The following FOXA3 variants were observed in gnomAD, a reference collection of about 807,000 sequenced individuals.
The protein encoded by FOXA3 is hepatocyte nuclear factor 3-gamma.
A neutral mutation model predicts 16.9 loss-of-function variants in FOXA3; 11 were observed. That is an observed-to-expected ratio of 0.65 (90% CI 0.41 to 1.08). The LOEUF is 1.08. Among genes scored for constraint, FOXA3 ranks in the 50% least tolerant of loss-of-function variants. The pLI is 0.00. For synonymous variants in FOXA3, 217 were observed against 203.3 expected (o/e 1.07, Z -0.57); for missense variants, 423 against 470.1 (o/e 0.90, Z 0.93).
In FOXA3 at chr19:45,870,329, C is replaced by T. The variant is rs369342531; in HGVS notation, c.70-1746C>T. Among the ~76,000 whole-genome samples, 32 of 151,748 alleles carry T rather than the reference C, an allele frequency of 2.1e-4. No homozygotes were observed. In the East Asian group the frequency reaches 5.7e-3, roughly 27 times the overall value. Reference sequence around the variant, plus strand: ...GGACTACAGGCGTTCGCCACCACACCCGGCTAATTTTGTTTTTGTATTTTT... The same window carrying T: ...GGACTACAGGCGTTCGCCACCACACTCGGCTAATTTTGTTTTTGTATTTTT... On this transcript the variant is annotated intron_variant, in intron 1 of 1. Coordinates refer to ENST00000302177, the MANE Select transcript of FOXA3 (RefSeq NM_004497.3).
Position 45,872,163 on chromosome 19 carries a change from G to C in FOXA3, c.158G>C (p.Gly53Ala). The C allele has an allele frequency of 6.3e-7, 1 of 1,589,388 alleles. No homozygotes were observed. Among genetic ancestry groups the C allele is most frequent in the South Asian group, 1.1e-5 (1 of 87,592 alleles). ...LNPLSSPYPP[G>A]GLPASPLPSG... is the part of the protein sequence containing the mutation. ...CCTCTAAGCTCTCCCTATCCCCCTG[G>C]GGGGCTCCCTGCCTCCCCACTGCCC... The change falls in exon 2 of 2, where the codon GGG (glycine) becomes GCG (alanine). Residue 53 changes from glycine to alanine, a missense_variant. By Grantham distance (60) the Gly-to-Ala change is moderately conservative. Transcript: ENST00000302177. This position sits in a 1 kb window ranked among gnomAD's most constrained non-coding sequence, Gnocchi z 4.5.
chr19:45,867,140 G>C (rs917459722), intron 1 of FOXA3, among the ~76,000 whole-genome samples: 7 of 152,090 alleles, frequency 4.6e-5, no homozygotes, highest in African/African-American at 1.7e-4. Context: ...TGGGGAGCCA[G>C]AAAGGAGGGC....
rs576861258 is a variant in FOXA3 at position 45,864,804 on chromosome 19, G to T, written c.69+279G>T. ...GTCACACCTTAAACTTGGGAGCCGGGTGTTGGAGCCCCAAAAAGCAAGGGA... is the reference window on the plus strand; with the variant it reads ...GTCACACCTTAAACTTGGGAGCCGGTTGTTGGAGCCCCAAAAAGCAAGGGA... On this transcript the variant is annotated intron_variant, in intron 1 of 1. Transcript: ENST00000302177. 5.5e-4 allele frequency among the ~76,000 whole-genome samples: 84 copies of T among 152,286 alleles called. 1 individual carries two copies. Among genetic ancestry groups the T allele is most frequent in the Non-Finnish European group, 5.9e-4 (40 of 68,024 alleles).
In FOXA3 at chr19:45,872,036, G is replaced by C; in HGVS notation, c.70-39G>C. On this transcript the variant is annotated intron_variant, in intron 1 of 1. Transcript: ENST00000302177. This position sits in a 1 kb window ranked among gnomAD's most constrained non-coding sequence, Gnocchi z 4.5. ...CTGGGATCCTTTGCTGACCAGCAGA[G>C]TGGAGCCCCACTGACCCCTCCTTTC... is the stretch of plus-strand genomic sequence containing the variant. 6.2e-7 allele frequency: 1 copy of C among 1,600,956 alleles called. No homozygotes were observed. Among genetic ancestry groups the C allele is most frequent in the Non-Finnish European group, 8.5e-7 (1 of 1,172,098 alleles).
intron 1 of FOXA3, among the ~76,000 whole-genome samples, chr19:45,865,612 G>A (rs1972077520): frequency 6.6e-6 from 1 of 152,108 alleles, no homozygotes; most frequent in African/African-American, 2.4e-5. Context: ...GAATGGCTAG[G>A]TTCTCCAAGG....
In FOXA3 at chr19:45,872,207, C is replaced by G. The variant is rs923062202; in HGVS notation, c.202C>G (p.Pro68Ala). ...ACTGCCCTCAGGACCCCTGGCACCC[C>G]CAGCACCTGCAGCCCCCCTGGGGCC... ...SPLPSGPLAP[P>A]APAAPLGPTF... Residue 68 changes from proline to alanine, a missense_variant, in exon 2 of 2, where the codon CCA becomes GCA. Transcript: ENST00000302177. This position sits in a 1 kb window ranked among gnomAD's most constrained non-coding sequence, Gnocchi z 4.5. The G allele has an allele frequency of 5.6e-6, 9 of 1,599,896 alleles. No individual in the cohort carries two copies. The highest frequency in any genetic ancestry group is 6.0e-6 in the Non-Finnish European group (7 of 1,171,536).
chr19:45,867,685 C>G (rs1486929337), intron 1 of FOXA3, among the ~76,000 whole-genome samples: 1 of 146,092 alleles, frequency 6.8e-6, no homozygotes, highest in Non-Finnish European at 1.5e-5. Flanking sequence ...GAGGCTGAGA[C>G]AGGAGAATTG....
At chr19:45,869,184 C>T (rs560496189) in intron 1 of FOXA3, among the ~76,000 whole-genome samples, 1 of 152,158 alleles carries the variant, frequency 6.6e-6, no homozygotes, top group African/African-American at 2.4e-5. Flanking sequence ...CCCCACCCCC[C>T]CCACCTCAGC....
At chr19:45,865,206 C>T (rs1268192676) in intron 1 of FOXA3, among the ~76,000 whole-genome samples, 3 of 152,030 alleles carry the variant, frequency 2.0e-5, no homozygotes, top group Non-Finnish European at 4.4e-5. Flanking sequence ...ATCTCCACCC[C>T]CCCATCCCTA....
intron 1 of FOXA3, among the ~76,000 whole-genome samples, chr19:45,867,779 CAA>C (rs60785587): frequency 7.2e-5 from 4 of 55,452 alleles, no homozygotes; most frequent in East Asian, 7.1e-4. Flanking sequence ...GACTCTATCT[CAA>C]AAAAAAAAAA....
chr19:45,867,026 G>A (rs776869163), intron 1 of FOXA3, among the ~76,000 whole-genome samples: 79 of 152,270 alleles, frequency 5.2e-4, no homozygotes, highest in Non-Finnish European at 9.0e-4. Flanking sequence ...GCTCAGACCC[G>A]GACACCAGGG....
At position 45,872,453 on chromosome 19, in the gene FOXA3, C is replaced by A. The variant is rs755697325; in HGVS notation, c.448C>A (p.Leu150Ile). ...LSEIYQWIMD[L>I]FPYYRENQQR... ...TGAAATCTACCAGTGGATCATGGACCTCTTCCCTTACTACCGGGAGAATCA... is the reference window on the plus strand; with the variant it reads ...TGAAATCTACCAGTGGATCATGGACATCTTCCCTTACTACCGGGAGAATCA... Residue 150 changes from leucine to isoleucine, a missense_variant, in exon 2 of 2, where the codon CTC becomes ATC. Around this residue, in one of 3 missense-constraint regions of FOXA3, gnomAD observed 85 missense variants for 136.9 expected, o/e 0.62. Coordinates refer to ENST00000302177, the MANE Select transcript of FOXA3 (RefSeq NM_004497.3). This position sits in a 1 kb window ranked among gnomAD's most constrained non-coding sequence, Gnocchi z 4.5. 2.1e-5 allele frequency: 34 copies of A among 1,614,100 alleles called. No homozygotes were observed. The highest frequency in any genetic ancestry group is 2.9e-5 in the Non-Finnish European group (34 of 1,180,044).
rs1312986482 is a variant in FOXA3 at position 45,872,051 on chromosome 19, C to T, written c.70-24C>T. ...GACCAGCAGAGTGGAGCCCCACTGA[C>T]CCCTCCTTTCATCTTTCCCCTAGGT... On this transcript the variant is annotated intron_variant, in intron 1 of 1. Transcript: ENST00000302177. The surrounding 1 kb of genome is among the most constrained non-coding windows in gnomAD (Gnocchi z 4.5). The T allele has an allele frequency of 1.2e-6, 2 of 1,608,410 alleles. No individual in the cohort carries two copies. The highest frequency in any genetic ancestry group is 3.4e-5 in the Admixed American group (2 of 59,246).
intron 1 of FOXA3, among the ~76,000 whole-genome samples, chr19:45,869,169 C>T (rs1293246409): frequency 6.6e-6 from 1 of 152,020 alleles, no homozygotes; most frequent in Non-Finnish European, 1.5e-5. Context: ...TCAAGCGATC[C>T]GCACCCCCAC....
chr19:45,870,697 G>A (rs968187045), intron 1 of FOXA3, among the ~76,000 whole-genome samples: 3 of 151,460 alleles, frequency 2.0e-5, no homozygotes, highest in Non-Finnish European at 4.4e-5. Flanking sequence ...AACCTCCCGA[G>A]TAGCTGGGAT....
At chr19:45,865,882 G>T (rs1427511010) in intron 1 of FOXA3, among the ~76,000 whole-genome samples, 4 of 152,160 alleles carry the variant, frequency 2.6e-5, no homozygotes, top group Non-Finnish European at 4.4e-5. Context: ...CAGAGACCCA[G>T]GTGGGAAATG....
intron 1 of FOXA3, among the ~76,000 whole-genome samples, chr19:45,871,231 G>T (rs1026349832): frequency 1.3e-5 from 2 of 152,044 alleles, no homozygotes; most frequent in Non-Finnish European, 2.9e-5. Context: ...TAGTGTAAAA[G>T]ATTTTTATTA....
At position 45,872,231 on chromosome 19, in the gene FOXA3, C is replaced by T; in HGVS notation, c.226C>T (p.Pro76Ser). Residue 76 changes from proline to serine, a missense_variant, in exon 2 of 2, where the codon CCC (proline) becomes TCC (serine). Physicochemically the swap from Pro to Ser is moderately conservative, Grantham distance 74. Transcript: ENST00000302177. The surrounding 1 kb of genome is among the most constrained non-coding windows in gnomAD (Gnocchi z 4.5). ...CCCAGCACCTGCAGCCCCCCTGGGG[C>T]CCACTTTCCCAGGCCTGGGTGTCAG... The part of the protein sequence containing the change: ...APPAPAAPLG[P>S]TFPGLGVSGG... 2 of 1,606,360 alleles carry T rather than the reference C, an allele frequency of 1.2e-6. No homozygotes were observed. The highest frequency in any genetic ancestry group is 1.7e-6 in the Non-Finnish European group (2 of 1,174,790).
chr19:45,865,340 C>T (rs1216945287), intron 1 of FOXA3, among the ~76,000 whole-genome samples: 3 of 152,126 alleles, frequency 2.0e-5, no homozygotes, highest in Non-Finnish European at 4.4e-5. Context: ...CCAGTCTCAC[C>T]TCAGACAAGG....
Sources: allele counts gnomAD v4.1 joint callset (sites outside exome capture counted in the v4.1 genomes callset), GRCh38; gene constraint gnomAD v4.1.1; regional missense constraint gnomAD v4.1.1; non-coding constraint Gnocchi (gnomAD v3.1); transcripts MANE v1.5; gene names NCBI Gene and HGNC (gene_info 2026-07-23, HGNC 2026-07-21).